Variants in MYT1L observed in about 807,000 individuals in gnomAD.
The protein encoded by MYT1L is myelin transcription factor 1-like protein.
MYT1L carries 12 observed loss-of-function variants against 126.7 expected under a neutral mutation model. The observed-to-expected ratio is 0.09, with a 90% confidence interval of 0.06 to 0.15. The LOEUF (loss-of-function observed/expected upper bound fraction) is 0.15, where lower values mean the gene tolerates loss of function less well. Ranked by LOEUF, MYT1L falls within the 10% of genes least tolerant of loss-of-function variation. The pLI is 1.00. For missense variants in MYT1L, 979 were observed against 1,585.2 expected (o/e 0.62, Z 6.49); for synonymous variants, 541 against 604.2 (o/e 0.90, Z 1.53).
At chr2:2,055,925 G>A (rs1558871515) in intron 3 of MYT1L, among the ~76,000 whole-genome samples, 1 of 152,308 alleles carries the variant, frequency 6.6e-6, no homozygotes, top group South Asian at 2.1e-4. Flanking sequence ...ATTCTTCAGT[G>A]TTCACAAAAG....
intron 2 of MYT1L, among the ~76,000 whole-genome samples, chr2:2,261,527 C>T (rs1378818773): frequency 6.6e-6 from 1 of 152,152 alleles, no homozygotes; most frequent in Non-Finnish European, 1.5e-5. Flanking sequence ...CTTCCATTGC[C>T]AAGTCCTCAA....
chr2:2,061,474 A>ACATAG (rs111305393), intron 3 of MYT1L, among the ~76,000 whole-genome samples: 3,527 of 152,250 alleles, frequency 0.023, 128 homozygotes, highest in African/African-American at 0.077. Flanking sequence ...GCCTTTGTTC[A>ACATAG]ACCCCCTTGC....
chr2:2,109,009 A>G (rs550381408), intron 3 of MYT1L, among the ~76,000 whole-genome samples: 52 of 152,264 alleles, frequency 3.4e-4, no homozygotes, highest in Middle Eastern at 3.4e-3. Context: ...TCTATACCCC[A>G]GCCTGATCCC....
intron 3 of MYT1L, among the ~76,000 whole-genome samples, chr2:2,110,406 A>G (rs1559040322): frequency 6.6e-6 from 1 of 151,990 alleles, no homozygotes. Context: ...TTCCCTCCTC[A>G]TATTCATCCT....
At chr2:2,019,316 C>A (rs189180132) in intron 4 of MYT1L, among the ~76,000 whole-genome samples, 1 of 152,124 alleles carries the variant, frequency 6.6e-6, no homozygotes, top group Non-Finnish European at 1.5e-5. Flanking sequence ...TGCCACCATG[C>A]GAGATGTGAC....
intron 3 of MYT1L, among the ~76,000 whole-genome samples, chr2:2,110,951 G>A (rs1190577469): frequency 6.6e-6 from 1 of 152,170 alleles, no homozygotes; most frequent in African/African-American, 2.4e-5. Flanking sequence ...TTGTCCCTGT[G>A]GAGCACGCAG....
At chr2:2,015,683 A>T (rs2064304034) in intron 4 of MYT1L, among the ~76,000 whole-genome samples, 1 of 152,186 alleles carries the variant, frequency 6.6e-6, no homozygotes, top group African/African-American at 2.4e-5. Context: ...AGGTGGAAGG[A>T]GAAGCCTGTG....
Position 1,910,296 on chromosome 2 carries a change from T to G in MYT1L, c.1761A>C (p.Glu587Asp). Residue 587 changes from glutamate to aspartate, a missense_variant, in exon 13 of 25, where the codon GAA (glutamate) becomes GAC (aspartate). Transcript: ENST00000647738. This position sits in a 1 kb window ranked among gnomAD's most constrained non-coding sequence, Gnocchi z 4.8. ...TGGACACGTCGCAGCTCTGGTGCTT[T>G]TCCTGTGCCTTGGCCAGTTTCTCTG... ...AAAEKLAKAQEKHQSCDVSKS... is the reference protein window; with the variant it reads ...AAAEKLAKAQDKHQSCDVSKS... 1 of 1,613,174 alleles carries G rather than the reference T, an allele frequency of 6.2e-7. No homozygotes were observed. The highest frequency in any genetic ancestry group is 1.1e-5 in the South Asian group (1 of 91,082).
chr2:2,073,419 A>C (rs529821809), intron 3 of MYT1L, among the ~76,000 whole-genome samples: 1 of 152,230 alleles, frequency 6.6e-6, no homozygotes, highest in Non-Finnish European at 1.5e-5. Context: ...AAGAGACTTC[A>C]TCCTGATGTT....
At chr2:2,049,903 C>T (rs1167163241) in intron 4 of MYT1L, among the ~76,000 whole-genome samples, 1 of 152,062 alleles carries the variant, frequency 6.6e-6, no homozygotes, top group Non-Finnish European at 1.5e-5. Flanking sequence ...GTTGCCCAGT[C>T]CCAGGCATGT....
intron 2 of MYT1L, among the ~76,000 whole-genome samples, chr2:2,271,088 C>T (rs529224651): frequency 3.9e-5 from 6 of 152,310 alleles, no homozygotes; most frequent in Admixed American, 3.3e-4. Flanking sequence ...TTTACGGATT[C>T]TCACCATGAA....
chr2:2,126,466 A>G (rs1427356516), intron 3 of MYT1L, among the ~76,000 whole-genome samples: 1 of 152,170 alleles, frequency 6.6e-6, no homozygotes, highest in Non-Finnish European at 1.5e-5. Context: ...GGGCCCAGAA[A>G]GAAGAGGGTC....
chr2:1,805,335 G>T (rs1027197587), intron 22 of MYT1L, among the ~76,000 whole-genome samples: 7 of 152,218 alleles, frequency 4.6e-5, no homozygotes, highest in Admixed American at 1.3e-4. Flanking sequence ...GCCTCACAGT[G>T]GATTCCGGTG....
At position 2,228,461 on chromosome 2, in the gene MYT1L, A is replaced by G. The variant is rs2094073849; in HGVS notation, c.-420-55473T>C. Reference sequence around the variant, plus strand: ...TTTTTTAATACTGTTATCTAATTAAATAGTTAAGATTTTTGCTGAAATCAG... The same window carrying G: ...TTTTTTAATACTGTTATCTAATTAAGTAGTTAAGATTTTTGCTGAAATCAG... On this transcript the variant is annotated intron_variant, in intron 2 of 24. Coordinates refer to ENST00000647738, the MANE Select transcript of MYT1L (RefSeq NM_001303052.2). The surrounding 1 kb of genome is among the most constrained non-coding windows in gnomAD (Gnocchi z 5.9). Among the ~76,000 whole-genome samples, 1 of 152,244 alleles carries G rather than the reference A, an allele frequency of 6.6e-6. No individual in the cohort carries two copies. Among genetic ancestry groups the G allele is most frequent in the African/African-American group, 2.4e-5 (1 of 41,470 alleles).
rs1281425770 is a variant in MYT1L at position 1,943,174 on chromosome 2, C to T, written c.313G>A (p.Asp105Asn). Residue 105 changes from aspartate (D) to asparagine (N), a missense_variant, in exon 9 of 25, where the codon GAT (aspartate) becomes AAT (asparagine). Asp to Asn is a conservative substitution (Grantham distance 23, BLOSUM62 1). This residue lies in a region of MYT1L where 111 missense variants were observed against 115.9 expected (regional missense o/e 0.96). Transcript: ENST00000647738. The surrounding 1 kb of genome is among the most constrained non-coding windows in gnomAD (Gnocchi z 4.4). ...TCCTCGGAGTACTCCTCCCCCTCAT[C>T]CTCCTCCTTCTCATCCATGTCCTCA... The part of the protein sequence containing the change: ...GTEDMDEKEE[D>N]EGEEYSEDND... 4 of 1,550,128 alleles carry T rather than the reference C, an allele frequency of 2.6e-6. No homozygotes were observed. In the African/African-American group the frequency reaches 5.5e-5, roughly 21 times the overall value.
intron 4 of MYT1L, among the ~76,000 whole-genome samples, chr2:2,005,003 C>CAT (rs2063057549): frequency 6.8e-6 from 1 of 146,018 alleles, no homozygotes; most frequent in Admixed American, 6.7e-5. Context: ...TTCTTTCCTG[C>CAT]ATGCCTTCTT....
intron 22 of MYT1L, 91 bp downstream of exon 22, chr2:1,808,985 G>T: frequency 1.8e-6 from 2 of 1,121,640 alleles, no homozygotes; most frequent in Non-Finnish European, 2.7e-6. Context: ...AGAAAAGTGA[G>T]CTGTAACTGT....
chr2:1,977,430 C>T (rs531591442), intron 8 of MYT1L, among the ~76,000 whole-genome samples: 4 of 152,280 alleles, frequency 2.6e-5, no homozygotes, highest in Admixed American at 6.5e-5. Context: ...TATTTGGAAA[C>T]GTCACGATTT....
At position 1,917,346 on chromosome 2, in the gene MYT1L, G is replaced by A. The variant is rs868180449; in HGVS notation, c.1484-7C>T. The A allele has an allele frequency of 6.2e-7, 1 of 1,601,088 alleles. No individual in the cohort carries two copies. Among genetic ancestry groups the A allele is most frequent in the African/African-American group, 1.3e-5 (1 of 74,634 alleles). On this transcript the variant is annotated splice_region_variant and splice_polypyrimidine_tract_variant and intron_variant, in intron 10 of 24. Transcript: ENST00000647738. The surrounding 1 kb of genome is among the most constrained non-coding windows in gnomAD (Gnocchi z 5.9). ...TTTTCTGTTCTTGAGGGATCTAAAA[G>A]CGACAACAGGTGCCAAGAGAATAAA...
Sources: gnomAD v4.1 joint callset for allele counts (sites outside exome capture counted in the v4.1 genomes callset) on GRCh38, gnomAD v4.1.1 for gene constraint, gnomAD v4.1.1 regional missense constraint, Gnocchi (gnomAD v3.1) non-coding constraint, MANE v1.5 for transcripts, NCBI Gene and HGNC (gene_info 2026-07-23, HGNC 2026-07-21) for gene names.